The following SIM2 variants were observed in gnomAD, a reference collection of about 807,000 sequenced individuals.
SIM2 encodes the protein SIM bHLH transcription factor 2, also known as single-minded homolog 2.
SIM2 carries 28 observed loss-of-function variants against 64.8 expected under a neutral mutation model. The observed-to-expected ratio is 0.43, with a 90% CI of 0.32 to 0.59. SIM2 has a LOEUF of 0.59. SIM2 is among the 20% of genes least tolerant of loss of function. The probability of loss-of-function intolerance (pLI) is 0.07; values close to 1 mark genes in which losing one functional copy is unlikely to be tolerated. For missense variants in SIM2, 847 were observed against 871.4 expected (o/e 0.97, Z 0.35); for synonymous variants, 408 against 391.1 (o/e 1.04, Z -0.51).
chr21:36,707,785 C>T (rs2088606451), intron 1 of SIM2, among the ~76,000 whole-genome samples: 1 of 152,008 alleles, frequency 6.6e-6, no homozygotes, highest in Admixed American at 6.5e-5. Flanking sequence ...CGGGAACCCA[C>T]TCGTGGCTGC....
At chr21:36,715,593 C>T (rs2088736339) in intron 3 of SIM2, among the ~76,000 whole-genome samples, 1 of 152,192 alleles carries the variant, frequency 6.6e-6, no homozygotes, top group Admixed American at 6.5e-5. Context: ...CAATTACCTT[C>T]AATGACATTA....
At position 36,745,694 on chromosome 21, in the gene SIM2, G is replaced by A; in HGVS notation, c.1576+558G>A. On this transcript the variant is annotated intron_variant, in intron 10 of 10. Coordinates refer to ENST00000290399, the MANE Select transcript of SIM2 (RefSeq NM_005069.6). The surrounding 1 kb of genome is among the most constrained non-coding windows in gnomAD (Gnocchi z 4.8). Reference sequence around the variant, plus strand: ...TTCACCTGTAAAATGGGGTGAAGCTGTGATGTGCCTACTCCCAAGGACACG... The same window carrying A: ...TTCACCTGTAAAATGGGGTGAAGCTATGATGTGCCTACTCCCAAGGACACG... 1 of 1,236,204 alleles carries A rather than the reference G, an allele frequency of 8.1e-7. No homozygotes were observed. Among genetic ancestry groups the A allele is most frequent in the Non-Finnish European group, 1.1e-6 (1 of 944,600 alleles). 76.6% of individuals were successfully genotyped at this position (1,236,204 alleles called of 1,614,324 possible).
At chr21:36,729,395 C>G (rs1245678020) in intron 6 of SIM2, among the ~76,000 whole-genome samples, 1 of 152,134 alleles carries the variant, frequency 6.6e-6, no homozygotes, top group Non-Finnish European at 1.5e-5. Flanking sequence ...TCTCCCCCAC[C>G]ACTGCAAGCC....
intron 5 of SIM2, 141 bp from the exon 6 acceptor site, chr21:36,725,978 C>A: frequency 1.5e-6 from 1 of 651,362 alleles, no homozygotes; most frequent in Admixed American, 2.5e-5. Flanking sequence ...TGAACCGGTG[C>A]CTGTCAGCAC....
chr21:36,703,661 G>A (rs73210769), intron 1 of SIM2, among the ~76,000 whole-genome samples: 10,229 of 152,316 alleles, frequency 0.067, 448 homozygotes, highest in Non-Finnish European at 0.094. Flanking sequence ...TTTGGACATG[G>A]GCTCGAAATT....
At position 36,747,343 on chromosome 21, in the gene SIM2, CAAA is replaced by C. The variant is rs537543938; in HGVS notation, c.1577-310_1577-308del. On this transcript the variant is annotated intron_variant, in intron 10 of 10. Transcript: ENST00000290399. The surrounding 1 kb of genome is among the most constrained non-coding windows in gnomAD (Gnocchi z 4.5). ...TGACCTGCGCTCTGCATCTCAGGAC[CAAA>C]AAAAAAAAAAAGAAAATATCCCAAT... 4.3e-5 allele frequency among the ~76,000 whole-genome samples: 5 copies of C among 117,546 alleles called. No individual in the cohort carries two copies. Among genetic ancestry groups the C allele is most frequent in the Non-Finnish European group, 3.7e-5 (2 of 54,402 alleles). 77.1% of individuals were successfully genotyped at this position (117,546 alleles called of 152,430 possible).
chr21:36,738,954 T>C (rs1311297203), intron 7 of SIM2, among the ~76,000 whole-genome samples: 4 of 152,212 alleles, frequency 2.6e-5, no homozygotes, highest in Admixed American at 2.0e-4. Flanking sequence ...TACGCAACAC[T>C]GCCTCATGTC....
intron 7 of SIM2, among the ~76,000 whole-genome samples, chr21:36,733,862 G>A (rs551869182): frequency 6.6e-5 from 10 of 152,302 alleles, no homozygotes; most frequent in African/African-American, 9.6e-5. Context: ...TGCCCGGCCC[G>A]AAGCAGGGAT....
At chr21:36,714,151 A>G (rs916073239) in intron 3 of SIM2, among the ~76,000 whole-genome samples, 4 of 152,222 alleles carry the variant, frequency 2.6e-5, no homozygotes, top group South Asian at 4.1e-4. Flanking sequence ...ATCTTGCCCT[A>G]TTTAGAATCA....
intron 3 of SIM2, among the ~76,000 whole-genome samples, chr21:36,715,193 C>G (rs118160642): frequency 6.6e-6 from 1 of 152,134 alleles, no homozygotes; most frequent in Non-Finnish European, 1.5e-5. Flanking sequence ...CCACGGTGAA[C>G]TGTTTAAATA....
intron 4 of SIM2, among the ~76,000 whole-genome samples, chr21:36,722,135 T>TTGA (rs1435719429): frequency 2.0e-5 from 3 of 152,154 alleles, no homozygotes; most frequent in Non-Finnish European, 4.4e-5. Flanking sequence ...TGATGACCAG[T>TTGA]TGATGTATTT....
Position 36,745,953 on chromosome 21 carries a change from C to A in SIM2, c.1576+817C>A. ...ATTGCACCGAGACCTAACTGCCGCT[C>A]AGAGTGTAGACCGAGATGGTGCAGA... On this transcript the variant is annotated intron_variant, in intron 10 of 10. Transcript: ENST00000290399. This position sits in a 1 kb window ranked among gnomAD's most constrained non-coding sequence, Gnocchi z 4.8. 8.1e-7 allele frequency: 1 copy of A among 1,240,318 alleles called. No homozygotes were observed. 76.8% of individuals were successfully genotyped at this position (1,240,318 alleles called of 1,614,324 possible).
intron 7 of SIM2, among the ~76,000 whole-genome samples, chr21:36,732,508 T>G (rs886423669): frequency 5.3e-5 from 8 of 152,200 alleles, no homozygotes; most frequent in Non-Finnish European, 1.2e-4. Context: ...AACTCGATAC[T>G]CCCAGGGTGT....
rs1373865276 is a variant in SIM2, at chr21:36,743,412, C to T, written c.1024C>T (p.Leu342=). 6.2e-7 allele frequency: 1 copy of T among 1,613,468 alleles called. No individual in the cohort carries two copies. The highest frequency in any genetic ancestry group is 1.7e-5 in the Admixed American group (1 of 59,882). Residue 342 remains leucine (L), a synonymous_variant, in exon 9 of 11, where the codon CTG becomes TTG. Coordinates refer to ENST00000290399, the MANE Select transcript of SIM2 (RefSeq NM_005069.6). The part of the protein sequence containing the change: ...LTEIEYKELQ[L]SLEQVSTAKS... The stretch of plus-strand genomic sequence containing the variant: ...GGAGATTGAATACAAGGAACTTCAG[C>T]TGTCCCTGGAGCAGGTGTCCACTGC...
rs997093347 is a variant in SIM2, at chr21:36,741,652, G to A, written c.851-65G>A. Reference sequence around the variant, plus strand: ...GTCCTTGGGACAGAGGTCACCGTTGGGGGCAGCATCCCAGAGGTGGGGCCT... The same window carrying A: ...GTCCTTGGGACAGAGGTCACCGTTGAGGGCAGCATCCCAGAGGTGGGGCCT... On this transcript the variant is annotated intron_variant, in intron 7 of 10. Transcript: ENST00000290399. 5 of 1,578,946 alleles carry A rather than the reference G, an allele frequency of 3.2e-6. No individual in the cohort carries two copies. In the Admixed American group the frequency reaches 6.9e-5, roughly 22 times the overall value.
intron 2 of SIM2, among the ~76,000 whole-genome samples, chr21:36,711,930 C>T (rs1427771818): frequency 6.6e-6 from 1 of 152,170 alleles, no homozygotes. Context: ...TACTTTTCCT[C>T]CTTGAATTTT....
At chr21:36,737,444 T>C (rs1484089741) in intron 7 of SIM2, among the ~76,000 whole-genome samples, 1 of 152,216 alleles carries the variant, frequency 6.6e-6, no homozygotes, top group Non-Finnish European at 1.5e-5. Flanking sequence ...CAAAGGCTTG[T>C]GATCTGTTGA....
chr21:36,734,836 A>G (rs900229315), intron 7 of SIM2, among the ~76,000 whole-genome samples: 2 of 152,180 alleles, frequency 1.3e-5, no homozygotes, highest in African/African-American at 2.4e-5. Flanking sequence ...CTTCCCAGGT[A>G]CAGAACCTGG....
At position 36,731,154 on chromosome 21, in the gene SIM2, G is replaced by A. The variant is rs2088963120; in HGVS notation, c.850+3G>A. ...CCTCCGCTACGCACACCACCTCCGT[G>A]AGTAGCACGCCCACCCCAGCCACGG... On this transcript the variant is annotated splice_donor_region_variant and intron_variant, in intron 7 of 10. Coordinates refer to ENST00000290399, the MANE Select transcript of SIM2 (RefSeq NM_005069.6). The A allele has an allele frequency of 1.2e-6, 2 of 1,612,204 alleles. No homozygotes were observed. Among genetic ancestry groups the A allele is most frequent in the African/African-American group, 1.3e-5 (1 of 75,026 alleles).
Sources: gnomAD v4.1 joint callset for allele counts (sites outside exome capture counted in the v4.1 genomes callset) on GRCh38, gnomAD v4.1.1 for gene constraint, Gnocchi (gnomAD v3.1) non-coding constraint, MANE v1.5 for transcripts, NCBI Gene and HGNC (gene_info 2026-07-23, HGNC 2026-07-21) for gene names.